RYR3: variants seen among roughly 807,000 people sequenced by gnomAD.
RYR3 encodes the protein ryanodine receptor 3.
RYR3 carries 207 observed loss-of-function variants against 584.3 expected under a neutral mutation model. The observed-to-expected ratio is 0.35, with a 90% CI of 0.32 to 0.40. RYR3 has a LOEUF of 0.40. RYR3 is among the 10% of genes least tolerant of loss of function. RYR3 has a pLI of 1.00. For missense variants in RYR3, 5,616 were observed against 6,089.2 expected, an observed-to-expected ratio of 0.92 and a Z score of 2.59; for synonymous variants, 2,416 against 2,248.5, an observed-to-expected ratio of 1.07 and a Z score of -2.11.
intron 10 of RYR3, 29 bp downstream of exon 10, chr15:33,550,345 C>A: frequency 6.3e-7 from 1 of 1,596,094 alleles, no homozygotes; most frequent in East Asian, 2.3e-5. Context: ...GACTTTGACC[C>A]TGTTCTAAAA....
intron 1 of RYR3, among the ~76,000 whole-genome samples, chr15:33,425,851 C>G (rs1207319586): frequency 6.6e-6 from 1 of 151,994 alleles, no homozygotes; most frequent in Non-Finnish European, 1.5e-5. Flanking sequence ...ACCGTGTTAG[C>G]CAGGATGGTC....
intron 12 of RYR3, among the ~76,000 whole-genome samples, chr15:33,578,162 A>G (rs1430030354): frequency 6.6e-6 from 1 of 152,164 alleles, no homozygotes; most frequent in Non-Finnish European, 1.5e-5. Flanking sequence ...ATCGGTAGGA[A>G]TGTAAATTAG....
At chr15:33,526,967 A>G (rs1027069464) in intron 3 of RYR3, among the ~76,000 whole-genome samples, 4 of 152,242 alleles carry the variant, frequency 2.6e-5, no homozygotes, top group African/African-American at 9.6e-5. Flanking sequence ...CCATGAGAAT[A>G]TTGGAAGAGC....
intron 1 of RYR3, among the ~76,000 whole-genome samples, chr15:33,366,594 G>A (rs573548281): frequency 6.6e-6 from 1 of 152,326 alleles, no homozygotes; most frequent in East Asian, 1.9e-4. Context: ...GCAACAGGGT[G>A]CTGTGCCTAT....
At position 33,786,080 on chromosome 15, in the gene RYR3, C is replaced by T. The variant is rs114191487; in HGVS notation, c.9589+98C>T. 1.9e-3 allele frequency: 2,134 copies of T among 1,097,790 alleles called. 23 individuals carry two copies. In the African/African-American group the frequency reaches 0.025, roughly 13 times the overall value. The allele number at this position is 1,097,790 out of a possible 1,614,324, so 68.0% of individuals were successfully genotyped here. On this transcript the variant is annotated intron_variant, in intron 66 of 103. Transcript: ENST00000634891. ...TAATTCCAAGATGGTTTTGCACAAG[C>T]TCTATTCTATATTTAAACCTCCCCA...
intron 3 of RYR3, among the ~76,000 whole-genome samples, chr15:33,508,500 A>G (rs1168000821): frequency 1.3e-5 from 2 of 152,030 alleles, no homozygotes; most frequent in South Asian, 2.1e-4. Flanking sequence ...ATACAAAAAA[A>G]TTAGCCGGGC....
At chr15:33,707,883 T>C (rs183526532) in intron 43 of RYR3, among the ~76,000 whole-genome samples, 1 of 152,354 alleles carries the variant, frequency 6.6e-6, no homozygotes. Flanking sequence ...TGTGCTTTTC[T>C]TGTTGTCTCT....
rs1567582232 is a variant in RYR3 at position 33,578,785 on chromosome 15, C to CAACAA, written c.1269-1189_1269-1188insCAAAA. 7.3e-5 allele frequency among the ~76,000 whole-genome samples: 11 copies of CAACAA among 149,682 alleles called. No homozygotes were observed. The South Asian group carries it at 2.1e-3, about 29-fold the overall frequency. ...TAGAATAAAAAAAAAAAAACAACAA[C>CAACAA]AAAAAAAAACTCCTCGTGATGTTAC... On this transcript the variant is annotated intron_variant, in intron 12 of 103. Transcript: ENST00000634891.
intron 7 of RYR3, among the ~76,000 whole-genome samples, chr15:33,542,993 C>A (rs897995402): frequency 2.6e-5 from 4 of 152,052 alleles, no homozygotes; most frequent in Admixed American, 1.3e-4. Flanking sequence ...TATTGAGATT[C>A]TTTTCCTTAT....
intron 16 of RYR3, among the ~76,000 whole-genome samples, chr15:33,591,315 T>G (rs141441939): frequency 6.6e-6 from 1 of 152,262 alleles, no homozygotes; most frequent in Non-Finnish European, 1.5e-5. Flanking sequence ...CCAATCTGCC[T>G]TCTATTATAG....
intron 2 of RYR3, among the ~76,000 whole-genome samples, chr15:33,490,041 T>C (rs2572167): frequency 0.62 from 93,562 of 152,052 alleles, 29,168 homozygotes; most frequent in African/African-American, 0.71. Context: ...AACTTCCTGA[T>C]AATAGAGCAA....
At chr15:33,685,775 A>C (rs1242935778) in intron 38 of RYR3, among the ~76,000 whole-genome samples, 1 of 152,268 alleles carries the variant, frequency 6.6e-6, no homozygotes, top group African/African-American at 2.4e-5. Context: ...ATTAGAATTC[A>C]GGATTAAGAA....
chr15:33,760,938 A>G (rs973640465), intron 60 of RYR3, among the ~76,000 whole-genome samples: 1 of 152,254 alleles, frequency 6.6e-6, no homozygotes, highest in Non-Finnish European at 1.5e-5. Context: ...ACTCAGGATT[A>G]AGAAACTCAC....
chr15:33,616,122 T>C (rs1392201730), intron 19 of RYR3, among the ~76,000 whole-genome samples: 2 of 152,216 alleles, frequency 1.3e-5, no homozygotes, highest in Non-Finnish European at 2.9e-5. Flanking sequence ...CATGGTTTTT[T>C]ACTCATTTTC....
Position 33,847,133 on chromosome 15 carries a change from G to A in RYR3, c.13498-1158G>A, listed in dbSNP as rs140527047. Reference sequence around the variant, plus strand: ...ATCCAAAACACGGCAGGCATTAGTCGCTGAGCTTTGCCTCACCTCCCACAT... The same window carrying A: ...ATCCAAAACACGGCAGGCATTAGTCACTGAGCTTTGCCTCACCTCCCACAT... On this transcript the variant is annotated intron_variant, in intron 93 of 103. Transcript: ENST00000634891. 7.8e-3 allele frequency: 1,193 copies of A among 152,292 alleles called. 6 individuals carry two copies. Among genetic ancestry groups the A allele is most frequent in the Non-Finnish European group, 0.013 (858 of 68,040 alleles). The allele number at this position is 152,292 out of a possible 1,614,324, so 9.4% of individuals were successfully genotyped here. A position where few individuals can be genotyped will look rare whatever the true frequency, so the allele number is the denominator to read the frequency against.
chr15:33,563,163 C>T (rs2057505471), intron 11 of RYR3, among the ~76,000 whole-genome samples, 153 bp downstream of exon 11: 1 of 152,128 alleles, frequency 6.6e-6, no homozygotes, highest in Non-Finnish European at 1.5e-5. Context: ...ACAGTTTCTC[C>T]AAAACTTCAG....
In RYR3 at chr15:33,566,783, T is replaced by C. The variant is rs1378270676; in HGVS notation, c.1252T>C (p.Phe418Leu). The C allele has an allele frequency of 2.5e-6, 4 of 1,613,612 alleles. No homozygotes were observed. The African/African-American group carries it at 5.3e-5, about 22-fold the overall frequency. Residue 418 changes from phenylalanine (F) to leucine (L), a missense_variant, in exon 12 of 104, where the codon TTC (phenylalanine) becomes CTC (leucine). Physicochemically the swap from Phe to Leu is conservative, Grantham distance 22. Around this residue, in one of 9 missense-constraint regions of RYR3, gnomAD observed 1,284 missense variants for 1,344.6 expected, o/e 0.95. Transcript: ENST00000634891. ...GATCATCCGGAACACTACAGCCTTA[T>C]TCAGCCAGTTTGTCAGGTATGTTAG... ...ARIIRNTTAL[F>L]SQFVSGNNRT...
chr15:33,815,089 A>G, intron 74 of RYR3, among the ~76,000 whole-genome samples: 1 of 151,192 alleles, frequency 6.6e-6, no homozygotes, highest in Non-Finnish European at 1.5e-5. Flanking sequence ...AAAAAAAGGA[A>G]TCACAGTCTC....
chr15:33,548,058 A>T, intron 8 of RYR3, 72 bp from the exon 9 acceptor site: 1 of 1,041,880 alleles, frequency 9.6e-7, no homozygotes, highest in Non-Finnish European at 1.5e-6. Flanking sequence ...CAGCCTCTGC[A>T]GGGAGCTGTT....
Sources: allele counts gnomAD v4.1 joint callset (sites outside exome capture counted in the v4.1 genomes callset), GRCh38; gene constraint gnomAD v4.1.1; regional missense constraint gnomAD v4.1.1; transcripts MANE v1.5; gene names NCBI Gene and HGNC (gene_info 2026-07-23, HGNC 2026-07-21).